Variants in NPSR1 observed in about 807,000 individuals in gnomAD.
NPSR1 encodes neuropeptide S receptor 1, also known as neuropeptide S receptor.
Under a neutral mutation model 46.9 loss-of-function variants are expected in NPSR1, and 48 were observed. The observed-to-expected ratio is 1.02, with a 90% CI of 0.81 to 1.30. The LOEUF (loss-of-function observed/expected upper bound fraction) is 1.30. Ranked by LOEUF, NPSR1 falls within the 50% of genes most tolerant of loss-of-function variation. The probability of loss-of-function intolerance (pLI) is 0.00; values close to 1 mark genes in which losing one functional copy is unlikely to be tolerated. For missense variants in NPSR1, 450 were observed against 449.5 expected, an observed-to-expected ratio of 1.00 and a Z score of -0.01; for synonymous variants, 176 against 168.1, an observed-to-expected ratio of 1.05 and a Z score of -0.36.
intron 2 of NPSR1, chr7:34,703,891 TGAGTG>T (rs772527304): frequency 0.38 from 57,537 of 152,060 alleles, 11,442 homozygotes; most frequent in African/African-American, 0.49. Context: ...TAACTCCCGA[TGAGTG>T]TTCAACAAAG....
chr7:34,842,095 A>T (rs1343815399), intron 6 of NPSR1, among the ~76,000 whole-genome samples: 1 of 152,236 alleles, frequency 6.6e-6, no homozygotes, highest in African/African-American at 2.4e-5. Flanking sequence ...ATCTCAACTG[A>T]TAAGATATCC....
intron 6 of NPSR1, among the ~76,000 whole-genome samples, chr7:34,839,394 G>C (rs1197746060): frequency 6.6e-6 from 1 of 152,170 alleles, no homozygotes; most frequent in East Asian, 1.9e-4. Flanking sequence ...TAGAGATGCA[G>C]AACAAGGTAG....
At chr7:34,775,897 C>T (rs1477845461) in intron 2 of NPSR1, among the ~76,000 whole-genome samples, 1 of 151,958 alleles carries the variant, frequency 6.6e-6, no homozygotes, top group African/African-American at 2.4e-5. Context: ...AGTGATTTTG[C>T]TGTATCCCAT....
intron 1 of NPSR1, among the ~76,000 whole-genome samples, chr7:34,659,594 C>G (rs1269366666): frequency 6.6e-6 from 1 of 152,162 alleles, no homozygotes; most frequent in Non-Finnish European, 1.5e-5. Context: ...AGGAGTCAGA[C>G]TTAAACTTCC....
At chr7:34,735,103 T>A (rs947537971) in intron 2 of NPSR1, among the ~76,000 whole-genome samples, 7 of 152,112 alleles carry the variant, frequency 4.6e-5, no homozygotes, top group African/African-American at 1.7e-4. Context: ...ACCTAAACCA[T>A]GTGGATGAAG....
chr7:34,693,727 G>C (rs1278584222), intron 2 of NPSR1, among the ~76,000 whole-genome samples: 1 of 152,114 alleles, frequency 6.6e-6, no homozygotes, highest in Non-Finnish European at 1.5e-5. Context: ...TAACCCTGAT[G>C]GACATAGTTG....
chr7:34,830,701 G>C (rs1790076562), intron 5 of NPSR1, among the ~76,000 whole-genome samples: 1 of 152,112 alleles, frequency 6.6e-6, no homozygotes, highest in African/African-American at 2.4e-5. Context: ...AAGAAAAAAA[G>C]AAAAAGCACA....
At chr7:34,697,941 T>G (rs117112764) in intron 2 of NPSR1, among the ~76,000 whole-genome samples, 2,576 of 152,228 alleles carry the variant, frequency 0.017, 33 homozygotes, top group Non-Finnish European at 0.029. Flanking sequence ...CAGAGTAGAT[T>G]TTTAAATTAC....
At chr7:34,755,412 T>A (rs1019399676) in intron 2 of NPSR1, among the ~76,000 whole-genome samples, 6 of 152,198 alleles carry the variant, frequency 3.9e-5, no homozygotes, top group African/African-American at 1.4e-4. Context: ...AACCTTACAG[T>A]ATGTGTGCTT....
At chr7:34,794,075 T>G (rs1044745523) in intron 3 of NPSR1, among the ~76,000 whole-genome samples, 3 of 151,918 alleles carry the variant, frequency 2.0e-5, no homozygotes, top group Non-Finnish European at 4.4e-5. Flanking sequence ...TGAGGGTAAG[T>G]GAAAGAGGGT....
intron 2 of NPSR1, among the ~76,000 whole-genome samples, chr7:34,735,118 G>T (rs1396186094): frequency 6.6e-6 from 1 of 152,222 alleles, no homozygotes; most frequent in Non-Finnish European, 1.5e-5. Context: ...ATGAAGACCT[G>T]GTTGGGGGAA....
intron 2 of NPSR1, among the ~76,000 whole-genome samples, chr7:34,703,436 T>TC (rs1210849387): frequency 6.6e-6 from 1 of 151,896 alleles, no homozygotes; most frequent in Non-Finnish European, 1.5e-5. Flanking sequence ...AGCCAGCGCA[T>TC]CAGAGAAGAA....
At chr7:34,782,666 T>C (rs1787280891) in intron 3 of NPSR1, among the ~76,000 whole-genome samples, 1 of 152,074 alleles carries the variant, frequency 6.6e-6, no homozygotes, top group Non-Finnish European at 1.5e-5. Flanking sequence ...TCCCTTATAT[T>C]GATGTGTGTG....
intron 2 of NPSR1, among the ~76,000 whole-genome samples, chr7:34,717,226 G>A (rs1172405423): frequency 1.3e-5 from 2 of 152,088 alleles, no homozygotes; most frequent in African/African-American, 2.4e-5. Flanking sequence ...TCCACTTCCC[G>A]GGTTCAAGCG....
chr7:34,750,427 A>T lies in NPSR1; in HGVS notation c.281-28035A>T, dbSNP rs1032212847. ...TGTTCGGATGCCGATGGGTAGTACG[A>T]CGGGGCTCTGGTGTGACGAAGTCAT... On this transcript the variant is annotated intron_variant, in intron 2 of 8. Transcript: ENST00000360581. 8.1e-6 allele frequency: 6 copies of T among 744,694 alleles called. No homozygotes were observed. The African/African-American group carries it at 1.0e-4, about 13-fold the overall frequency. The allele number at this position is 744,694 out of a possible 1,614,324, so 46.1% of individuals were successfully genotyped here. A position where few individuals can be genotyped will look rare whatever the true frequency, so the allele number is the denominator to read the frequency against.
intron 4 of NPSR1, among the ~76,000 whole-genome samples, chr7:34,813,879 C>T (rs936589984): frequency 6.6e-6 from 1 of 152,168 alleles, no homozygotes; most frequent in Admixed American, 6.5e-5. Context: ...GCCTACTGTA[C>T]AGCATAAGAC....
intron 6 of NPSR1, among the ~76,000 whole-genome samples, chr7:34,837,061 G>A (rs1475072030): frequency 2.0e-5 from 3 of 152,212 alleles, no homozygotes; most frequent in Non-Finnish European, 4.4e-5. Context: ...GAGAGAGGGA[G>A]ATGGAAAATA....
intron 8 of NPSR1, among the ~76,000 whole-genome samples, chr7:34,864,853 G>A (rs1791273006): frequency 6.6e-6 from 1 of 151,840 alleles, no homozygotes; most frequent in Non-Finnish European, 1.5e-5. Flanking sequence ...TCCCCACTGT[G>A]GCATAAACAG....
At chr7:34,797,215 C>G (rs957386730) in intron 3 of NPSR1, among the ~76,000 whole-genome samples, 4 of 152,074 alleles carry the variant, frequency 2.6e-5, no homozygotes, top group African/African-American at 9.7e-5. Context: ...AGAGGGGGAA[C>G]AAAGGGCAGT....
Sources: allele counts gnomAD v4.1 joint callset (sites outside exome capture counted in the v4.1 genomes callset), GRCh38; gene constraint gnomAD v4.1.1; transcripts MANE v1.5; gene names NCBI Gene and HGNC (gene_info 2026-07-23, HGNC 2026-07-21).